Variants in VPS37A observed in about 807,000 individuals in gnomAD.
VPS37A encodes the protein VPS37A subunit of ESCRT-I, also known as vacuolar protein sorting-associated protein 37A.
Under a neutral mutation model 49.8 loss-of-function variants are expected in VPS37A, and 30 were observed. The ratio of observed to expected loss-of-function variants is 0.60; its 90% CI spans 0.45 to 0.82. The LOEUF is 0.82. VPS37A is among the 40% of genes least tolerant of loss of function. The pLI, the probability that VPS37A is intolerant of heterozygous loss-of-function variation, is 0.00. For synonymous variants in VPS37A, 195 were observed against 160.6 expected (o/e 1.21, Z -1.62); for missense variants, 593 against 464.4 (o/e 1.28, Z -2.55).
At chr8:17,286,090 C>T (rs1375680502) in intron 10 of VPS37A, among the ~76,000 whole-genome samples, 2 of 152,086 alleles carry the variant, frequency 1.3e-5, no homozygotes, top group African/African-American at 4.8e-5. Flanking sequence ...AAAACAGGGA[C>T]TGGGGTGCAG....
chr8:17,314,185 A>G, the VPS37A span, among the ~76,000 whole-genome samples: 3 of 152,210 alleles, frequency 2.0e-5, no homozygotes, highest in Non-Finnish European at 4.4e-5. Context: ...ACATATCACA[A>G]ATACGGCAAT....
intron 11 of VPS37A, among the ~76,000 whole-genome samples, chr8:17,293,478 C>T (rs554685870): frequency 6.6e-6 from 1 of 152,114 alleles, no homozygotes; most frequent in South Asian, 2.1e-4. Flanking sequence ...AACTCATTCT[C>T]AGTCCAGTTT....
chr8:17,268,253 A>T lies in VPS37A; in HGVS notation c.201-5A>T. On this transcript the variant is annotated splice_polypyrimidine_tract_variant and splice_region_variant and intron_variant, in intron 2 of 11. Transcript: ENST00000324849. ...TTTGTTTTTCATCTGTTCTACCTCT[A>T]CCAGATTGCTTCCTCCACAGTTTCC... is the stretch of plus-strand genomic sequence containing the variant. 1 of 1,603,104 alleles carries T rather than the reference A, an allele frequency of 6.2e-7. No individual in the cohort carries two copies. The highest frequency in any genetic ancestry group is 8.5e-7 in the Non-Finnish European group (1 of 1,171,770).
At chr8:17,279,940 T>C (rs1183536304) in intron 6 of VPS37A, 88 bp from the exon 7 acceptor site, 1 of 1,560,788 alleles carries the variant, frequency 6.4e-7, no homozygotes, top group Non-Finnish European at 8.8e-7. Flanking sequence ...CCCTATCAGT[T>C]AACTAAAGCT....
rs183663340 is a variant in VPS37A, at chr8:17,288,018, G to A, written c.*1591G>A. Among the ~76,000 whole-genome samples, 174 of 152,264 alleles carry A rather than the reference G, an allele frequency of 1.1e-3. 1 individual carries two copies. Among genetic ancestry groups the A allele is most frequent in the Non-Finnish European group, 9.0e-4 (61 of 68,018 alleles). On this transcript the variant is annotated intron_variant, in intron 11 of 11. Transcript: ENST00000324849. ...ACTATTTCTGCTCCTTGTAACATTA[G>A]TGCTCACAATGAATTGTTTTATGTG... is the stretch of plus-strand genomic sequence containing the variant.
intron 1 of VPS37A, among the ~76,000 whole-genome samples, chr8:17,257,382 G>C (rs1220498529): frequency 6.6e-6 from 1 of 152,146 alleles, no homozygotes; most frequent in Non-Finnish European, 1.5e-5. Context: ...TTTTTGCTCA[G>C]AGTTGCTTCA....
Position 17,268,380 on chromosome 8 carries a change from T to C in VPS37A, c.315+8T>C. ...TCTCCATTAGTAAACAATGTATGTATATGGGATAATTTATTTCAGGGTAAT... is the reference window on the plus strand; with the variant it reads ...TCTCCATTAGTAAACAATGTATGTACATGGGATAATTTATTTCAGGGTAAT... On this transcript the variant is annotated splice_region_variant and intron_variant, in intron 3 of 11. Transcript: ENST00000324849. 6.4e-7 allele frequency: 1 copy of C among 1,559,342 alleles called. No individual in the cohort carries two copies. The highest frequency in any genetic ancestry group is 8.8e-7 in the Non-Finnish European group (1 of 1,133,924).
At chr8:17,282,003 C>T (rs1815103195) in intron 9 of VPS37A, among the ~76,000 whole-genome samples, 1 of 151,900 alleles carries the variant, frequency 6.6e-6, no homozygotes, top group African/African-American at 2.4e-5. Flanking sequence ...CAGTTCTTAT[C>T]AAAATGCCAA....
the VPS37A span, among the ~76,000 whole-genome samples, chr8:17,323,289 G>A: frequency 6.6e-6 from 1 of 152,018 alleles, no homozygotes; most frequent in African/African-American, 2.4e-5. Flanking sequence ...GGGCTCAGAT[G>A]CTAGCAACAC....
At chr8:17,318,734 G>A in the VPS37A span, among the ~76,000 whole-genome samples, 1 of 152,166 alleles carries the variant, frequency 6.6e-6, no homozygotes, top group Admixed American at 6.5e-5. Flanking sequence ...TGATGAAGCT[G>A]TCCCTGCCCA....
chr8:17,274,843 C>T lies in VPS37A; in HGVS notation c.527C>T (p.Ala176Val). Residue 176 changes from alanine (A) to valine (V), a missense_variant, in exon 5 of 12, where the codon GCT becomes GTT. Coordinates refer to ENST00000324849, the MANE Select transcript of VPS37A (RefSeq NM_152415.3). ...ANRSITSLSV[A>V]DTVSSSTTSH... ...AGGAGTATCACTTCTTTATCTGTTG[C>T]TGACACTGTTTCTTCTTCAACAACA... 6.2e-7 allele frequency: 1 copy of T among 1,614,156 alleles called. No individual in the cohort carries two copies. Among genetic ancestry groups the T allele is most frequent in the Non-Finnish European group, 8.5e-7 (1 of 1,180,006 alleles).
chr8:17,298,055 T>C (rs1328907054), downstream of VPS37A: 1 of 152,036 alleles, frequency 6.6e-6, no homozygotes, highest in Non-Finnish European at 1.5e-5. Flanking sequence ...AAAATGTTTA[T>C]TGTTTTTATA....
At chr8:17,252,248 C>T (rs535905263) in intron 1 of VPS37A, among the ~76,000 whole-genome samples, 2 of 152,192 alleles carry the variant, frequency 1.3e-5, no homozygotes, top group Non-Finnish European at 2.9e-5. Context: ...TCACAGCTTA[C>T]CGCAGCAATC....
the VPS37A span, among the ~76,000 whole-genome samples, chr8:17,329,390 G>A: frequency 5.9e-5 from 9 of 152,306 alleles, no homozygotes; most frequent in South Asian, 1.5e-3. Flanking sequence ...GAAAAGTTAC[G>A]TGCAAGCACC....
intron 1 of VPS37A, among the ~76,000 whole-genome samples, chr8:17,253,726 T>G (rs2150349080): frequency 6.6e-6 from 1 of 152,324 alleles, no homozygotes; most frequent in Middle Eastern, 3.4e-3. Context: ...TTTTCATAGC[T>G]CTTTGTACAT....
intron 2 of VPS37A, among the ~76,000 whole-genome samples, chr8:17,268,015 T>C (rs1411839326): frequency 6.6e-6 from 1 of 152,224 alleles, no homozygotes; most frequent in Non-Finnish European, 1.5e-5. Flanking sequence ...TGAAGAATAT[T>C]CTATAATTCA....
Position 17,284,457 on chromosome 8 carries a change from T to G in VPS37A, c.970-16T>G. 2 of 1,554,622 alleles carry G rather than the reference T, an allele frequency of 1.3e-6. No individual in the cohort carries two copies. The highest frequency in any genetic ancestry group is 1.7e-6 in the Non-Finnish European group (2 of 1,161,030). Reference sequence around the variant, plus strand: ...GAGTATCATAAATTAAAGTAGTGCCTGATTTTCTTTTTCAGAGCTGTAGTG... The same window carrying G: ...GAGTATCATAAATTAAAGTAGTGCCGGATTTTCTTTTTCAGAGCTGTAGTG... On this transcript the variant is annotated splice_polypyrimidine_tract_variant and intron_variant, in intron 9 of 11. Coordinates refer to ENST00000324849, the MANE Select transcript of VPS37A (RefSeq NM_152415.3).
At chr8:17,262,160 G>T (rs533242042) in intron 1 of VPS37A, among the ~76,000 whole-genome samples, 1 of 152,084 alleles carries the variant, frequency 6.6e-6, no homozygotes, top group Admixed American at 6.6e-5. Flanking sequence ...CTTACCATCT[G>T]CTCAGAGTTT....
chr8:17,257,118 G>C (rs1210918746), intron 1 of VPS37A, among the ~76,000 whole-genome samples: 1 of 152,132 alleles, frequency 6.6e-6, no homozygotes, highest in Non-Finnish European at 1.5e-5. Context: ...GTAAGAGATA[G>C]GGTCTAGTTT....
Sources: allele counts gnomAD v4.1 joint callset (sites outside exome capture counted in the v4.1 genomes callset), GRCh38; gene constraint gnomAD v4.1.1; transcripts MANE v1.5; gene names NCBI Gene and HGNC (gene_info 2026-07-23, HGNC 2026-07-21).